The following ZCCHC10 variants were observed in gnomAD, a reference collection of about 807,000 sequenced individuals.
ZCCHC10 encodes zinc finger CCHC-type containing 10, also known as zinc finger CCHC domain-containing protein 10.
ZCCHC10 carries 16 observed loss-of-function variants against 19.5 expected under a neutral mutation model. The ratio of observed to expected loss-of-function variants is 0.82; its 90% CI spans 0.56 to 1.25. ZCCHC10 has a LOEUF of 1.25. Among genes scored for constraint, ZCCHC10 ranks in the 50% most tolerant of loss-of-function variants. The probability of loss-of-function intolerance (pLI) is 0.00; values close to 1 mark genes in which losing one functional copy is unlikely to be tolerated. For synonymous variants in ZCCHC10, 67 were observed against 72.5 expected (o/e 0.92, Z 0.38); for missense variants, 197 against 201.0 (o/e 0.98, Z 0.12).
rs1235774521 is a variant in ZCCHC10 at position 132,997,426 on chromosome 5, A to T, written c.*1157T>A. 1 of 152,202 alleles carries T rather than the reference A, an allele frequency of 6.6e-6. No homozygotes were observed. The highest frequency in any genetic ancestry group is 2.4e-5 in the African/African-American group (1 of 41,464). 9.4% of individuals were successfully genotyped at this position (152,202 alleles called of 1,614,324 possible). A position where few individuals can be genotyped will look rare whatever the true frequency, so the allele number is the denominator to read the frequency against. On this transcript the variant is annotated 3_prime_UTR_variant, in exon 5 of 5. Transcript: ENST00000509437. ...GATACCTCTTTCCAAAAAGTTAAAA[A>T]GACATCACAGAATACTGTGATGTTA...
At chr5:133,024,668 A>G (rs575504214) in intron 1 of ZCCHC10, among the ~76,000 whole-genome samples, 7 of 152,280 alleles carry the variant, frequency 4.6e-5, no homozygotes, top group African/African-American at 1.2e-4. Context: ...TTGGGAAGCT[A>G]AGGTGGGCAG....
intron 3 of ZCCHC10, 151 bp downstream of exon 3, chr5:133,006,608 T>C (rs1421381698): frequency 4.3e-6 from 3 of 693,774 alleles, no homozygotes; most frequent in Non-Finnish European, 6.6e-6. Flanking sequence ...ATAAAGACCC[T>C]AGAATAGTAC....
chr5:132,999,082 A>AT (rs1459364722), intron 4 of ZCCHC10, among the ~76,000 whole-genome samples: 1 of 151,764 alleles, frequency 6.6e-6, no homozygotes, highest in Non-Finnish European at 1.5e-5. Context: ...CGCCCAGATG[A>AT]TTTTTGTATT....
At chr5:133,023,077 G>A (rs896566306) in intron 1 of ZCCHC10, among the ~76,000 whole-genome samples, 171 bp from the exon 2 acceptor site, 1 of 152,036 alleles carries the variant, frequency 6.6e-6, no homozygotes, top group Non-Finnish European at 1.5e-5. Context: ...AAAGAAATGG[G>A]GTTTAACTTT....
chr5:133,003,155 C>G (rs1034246424), intron 3 of ZCCHC10: 3 of 328,232 alleles, frequency 9.1e-6, no homozygotes, highest in Admixed American at 3.3e-5. Flanking sequence ...AAGAAGCATG[C>G]GAAGTTGATC....
rs777248818 is a variant in ZCCHC10 at position 133,012,233 on chromosome 5, T to C, written c.108-5313A>G. Among the ~76,000 whole-genome samples the C allele has an allele frequency of 6.6e-5, 10 of 150,584 alleles. 1 individual carries two copies. Among genetic ancestry groups the C allele is most frequent in the South Asian group, 2.1e-4 (1 of 4,762 alleles). ...CTGTAATCCCAGCACCTTGGAAGGTTGAGGCAGGCGAATCACCTGAGGCCA... is the reference window on the plus strand; with the variant it reads ...CTGTAATCCCAGCACCTTGGAAGGTCGAGGCAGGCGAATCACCTGAGGCCA... On this transcript the variant is annotated intron_variant, in intron 2 of 4. Coordinates refer to ENST00000509437, the MANE Select transcript of ZCCHC10 (RefSeq NM_001300816.3).
intron 3 of ZCCHC10, among the ~76,000 whole-genome samples, chr5:133,000,747 A>G (rs1280401644): frequency 6.6e-6 from 1 of 151,126 alleles, no homozygotes; most frequent in African/African-American, 2.4e-5. Flanking sequence ...GGTTCAAGGA[A>G]TTCTTCTGCC....
rs750572640 is a variant in ZCCHC10 at position 133,006,951 on chromosome 5, A to T, written c.108-31T>A. On this transcript the variant is annotated intron_variant, in intron 2 of 4. Coordinates refer to ENST00000509437, the MANE Select transcript of ZCCHC10 (RefSeq NM_001300816.3). ...GAACAAAAAACAGAATACAAGCCTT[A>T]AAATTCTGTCTTGTGACTTTCACCC... 3.9e-6 allele frequency: 6 copies of T among 1,553,896 alleles called. No homozygotes were observed. The African/African-American group carries it at 6.9e-5, about 18-fold the overall frequency.
intron 2 of ZCCHC10, among the ~76,000 whole-genome samples, chr5:133,010,390 T>C (rs915102115): frequency 6.6e-6 from 1 of 152,024 alleles, no homozygotes. Flanking sequence ...GTAGTAAATA[T>C]TATAGGCTTT....
At chr5:133,011,646 AAAC>A (rs1168583340) in intron 2 of ZCCHC10, among the ~76,000 whole-genome samples, 3 of 151,012 alleles carry the variant, frequency 2.0e-5, no homozygotes, top group African/African-American at 7.3e-5. Context: ...AAAAAAAAAA[AAAC>A]CTGACTGAGA....
At position 133,012,487 on chromosome 5, in the gene ZCCHC10, A is replaced by T. The variant is rs1384329705; in HGVS notation, c.108-5567T>A. 2.0e-5 allele frequency among the ~76,000 whole-genome samples: 3 copies of T among 151,560 alleles called. No homozygotes were observed. In the East Asian group the frequency reaches 5.8e-4, roughly 29 times the overall value. Reference sequence around the variant, plus strand: ...CATCTCAAAGAAAAAAAAAAAGTGTACAGAAATTCAAAAGGCCAGTAACAG... The same window carrying T: ...CATCTCAAAGAAAAAAAAAAAGTGTTCAGAAATTCAAAAGGCCAGTAACAG... On this transcript the variant is annotated intron_variant, in intron 2 of 4. Coordinates refer to ENST00000509437, the MANE Select transcript of ZCCHC10 (RefSeq NM_001300816.3).
chr5:133,009,934 A>G (rs1763384035), intron 2 of ZCCHC10, among the ~76,000 whole-genome samples: 1 of 152,100 alleles, frequency 6.6e-6, no homozygotes. Context: ...TAAACCTGTC[A>G]TTTCTTATCG....
At chr5:133,022,190 T>C (rs1764358347) in intron 2 of ZCCHC10, among the ~76,000 whole-genome samples, 1 of 152,228 alleles carries the variant, frequency 6.6e-6, no homozygotes, top group Non-Finnish European at 1.5e-5. Context: ...AATTTTTTCT[T>C]TCTTTATATC....
At chr5:133,025,290 G>A (rs976774419) in intron 1 of ZCCHC10, among the ~76,000 whole-genome samples, 2 of 151,832 alleles carry the variant, frequency 1.3e-5, no homozygotes, top group Non-Finnish European at 2.9e-5. Context: ...GGATCTCGAG[G>A]TCAGGGGATC....
At chr5:133,022,616 CTAATTTTTG>C (rs1229085202) in intron 2 of ZCCHC10, among the ~76,000 whole-genome samples, 1 of 152,070 alleles carries the variant, frequency 6.6e-6, no homozygotes, top group African/African-American at 2.4e-5. Flanking sequence ...CCACATCCAG[CTAATTTTTG>C]TAATTTTTGT....
chr5:133,023,729 C>G (rs1039420802), intron 1 of ZCCHC10, among the ~76,000 whole-genome samples: 3 of 151,272 alleles, frequency 2.0e-5, no homozygotes, highest in African/African-American at 7.3e-5. Flanking sequence ...CAAGATCATG[C>G]CACTGCACTC....
chr5:133,008,898 A>G (rs369492367), intron 2 of ZCCHC10, among the ~76,000 whole-genome samples: 22 of 152,166 alleles, frequency 1.4e-4, no homozygotes, highest in African/African-American at 5.3e-4. Context: ...CTGTAGTCCC[A>G]GCTACTTGGG....
intron 3 of ZCCHC10, among the ~76,000 whole-genome samples, chr5:133,000,505 C>T (rs1419833057): frequency 6.6e-6 from 1 of 152,142 alleles, no homozygotes; most frequent in Non-Finnish European, 1.5e-5. Flanking sequence ...TCCTGAACAA[C>T]AGAACAAAGC....
At chr5:133,015,191 G>A (rs1205237377) in intron 2 of ZCCHC10, among the ~76,000 whole-genome samples, 1 of 148,634 alleles carries the variant, frequency 6.7e-6, no homozygotes, top group African/African-American at 2.5e-5. Flanking sequence ...AGATTCTCCT[G>A]CCTCAGCCTA....
Sources: allele counts gnomAD v4.1 joint callset (sites outside exome capture counted in the v4.1 genomes callset), GRCh38; gene constraint gnomAD v4.1.1; transcripts MANE v1.5; gene names NCBI Gene and HGNC (gene_info 2026-07-23, HGNC 2026-07-21).